Variants in CCDC190 observed in about 807,000 individuals in gnomAD.
CCDC190 encodes the protein coiled-coil domain-containing protein 190.
In CCDC190, 10 loss-of-function variants were observed where a neutral mutation model predicts 13.1. The ratio of observed to expected loss-of-function variants is 0.77; its 90% CI spans 0.47 to 1.30. The LOEUF (loss-of-function observed/expected upper bound fraction) is 1.30. CCDC190 is among the 50% of genes most tolerant of loss of function. CCDC190 has a pLI of 0.00. For synonymous variants in CCDC190, 136 were observed against 127.2 expected, an observed-to-expected ratio of 1.07 and a Z score of -0.47; for missense variants, 375 against 354.3, an observed-to-expected ratio of 1.06 and a Z score of -0.47.
chr1:162,861,437 ATTT>A (rs112152644), upstream of CCDC190, among the ~76,000 whole-genome samples: 2 of 142,612 alleles, frequency 1.4e-5, no homozygotes, highest in African/African-American at 2.6e-5. Flanking sequence ...GTTTCTCTCC[ATTT>A]TTTTTTTTTC....
chr1:162,861,435 C>A (rs1650511035), upstream of CCDC190, among the ~76,000 whole-genome samples: 1 of 146,128 alleles, frequency 6.8e-6, no homozygotes, highest in Non-Finnish European at 1.5e-5. Flanking sequence ...TCGTTTCTCT[C>A]CATTTTTTTT....
intron 1 of CCDC190, among the ~76,000 whole-genome samples, chr1:162,867,259 C>T (rs981531791): frequency 5.9e-5 from 9 of 151,904 alleles, no homozygotes; most frequent in Non-Finnish European, 5.9e-5. Context: ...ATTAAGGACA[C>T]AAATAACTCT....
At chr1:162,864,785 T>TA (rs1236401705), upstream of CCDC190, among the ~76,000 whole-genome samples, 1 of 151,860 alleles carries the variant, frequency 6.6e-6, no homozygotes, top group African/African-American at 2.4e-5. Context: ...AATTGAATTA[T>TA]AAAAAATACT....
At chr1:162,862,590 A>C (rs573890556), upstream of CCDC190, among the ~76,000 whole-genome samples, 1 of 152,292 alleles carries the variant, frequency 6.6e-6, no homozygotes, top group South Asian at 2.1e-4. Flanking sequence ...CCCTCATAAA[A>C]CCACACATCT....
Position 162,859,732 on chromosome 1 carries a change from G to C in CCDC190, c.-12-74C>G. 2.4e-6 allele frequency: 3 copies of C among 1,239,044 alleles called. No individual in the cohort carries two copies. In the Admixed American group the frequency reaches 7.4e-5, roughly 31 times the overall value. The allele number at this position is 1,239,044 out of a possible 1,614,324, so 76.8% of individuals were successfully genotyped here. On this transcript the variant is annotated intron_variant, in intron 1 of 3. Transcript: ENST00000367912. The stretch of plus-strand genomic sequence containing the variant: ...ATACTGACCCCGGCTTTTAATCAGA[G>C]ATCAGTGGTAGAACCTGTGTATTTC...
intron 2 of CCDC190, among the ~76,000 whole-genome samples, chr1:162,858,300 C>T (rs967191174): frequency 6.6e-6 from 1 of 152,216 alleles, no homozygotes; most frequent in Non-Finnish European, 1.5e-5. Flanking sequence ...GCCTTTTGTA[C>T]ACCCTCCTAA....
upstream of CCDC190, among the ~76,000 whole-genome samples, chr1:162,862,539 GA>G (rs1650557364): frequency 6.6e-6 from 1 of 152,222 alleles, no homozygotes; most frequent in African/African-American, 2.4e-5. Context: ...GGCAGGGCCA[GA>G]AGGAGGCAGA....
At chr1:162,857,820 G>T (rs1650357911) in intron 2 of CCDC190, among the ~76,000 whole-genome samples, 2 of 152,116 alleles carry the variant, frequency 1.3e-5, no homozygotes, top group African/African-American at 4.8e-5. Flanking sequence ...CACCTTGAGG[G>T]CAGAGACCAT....
At chr1:162,858,663 A>G (rs542419926) in intron 2 of CCDC190, among the ~76,000 whole-genome samples, 8 of 152,340 alleles carry the variant, frequency 5.3e-5, no homozygotes, top group African/African-American at 1.9e-4. Flanking sequence ...ACTCTCCTTC[A>G]GTAAGAAAGG....
chr1:162,853,288 T>G lies in CCDC190; in HGVS notation c.*1477A>C, dbSNP rs549614571. On this transcript the variant is annotated 3_prime_UTR_variant, in exon 4 of 4. Coordinates refer to ENST00000367912, the MANE Select transcript of CCDC190 (RefSeq NM_001394065.1). ...AGAGATCAAATGCTAGTCTGCCATCTATTAGCAAGTTACCACCACTCTTCC... is the reference window on the plus strand; with the variant it reads ...AGAGATCAAATGCTAGTCTGCCATCGATTAGCAAGTTACCACCACTCTTCC... 11 of 632,726 alleles carry G rather than the reference T, an allele frequency of 1.7e-5. No homozygotes were observed. In the East Asian group the frequency reaches 3.2e-4, roughly 18 times the overall value. The allele number at this position is 632,726 out of a possible 1,614,324, so 39.2% of individuals were successfully genotyped here.
In CCDC190 at chr1:162,854,096, C is replaced by T; in HGVS notation, c.*669G>A. 2.7e-6 allele frequency: 1 copy of T among 364,560 alleles called. No individual in the cohort carries two copies. Among genetic ancestry groups the T allele is most frequent in the Non-Finnish European group, 3.8e-6 (1 of 262,672 alleles). 22.6% of individuals were successfully genotyped at this position (364,560 alleles called of 1,614,324 possible). A position where few individuals can be genotyped will look rare whatever the true frequency, so the allele number is the denominator to read the frequency against. ...TTGATAGAGTCTGCTATGCATTTGACAGCATGTTGGGAGATGATTAAAAGT... is the reference window on the plus strand; with the variant it reads ...TTGATAGAGTCTGCTATGCATTTGATAGCATGTTGGGAGATGATTAAAAGT... On this transcript the variant is annotated 3_prime_UTR_variant, in exon 4 of 4. Transcript: ENST00000367912.
Position 162,854,120 on chromosome 1 carries a change from G to T in CCDC190, c.*645C>A. On this transcript the variant is annotated 3_prime_UTR_variant, in exon 4 of 4. Transcript: ENST00000367912. ...ACAGCATGTTGGGAGATGATTAAAA[G>T]TTTTTTAAATCCTTTGATTCTAGAA... 1 of 683,376 alleles carries T rather than the reference G, an allele frequency of 1.5e-6. No individual in the cohort carries two copies. The highest frequency in any genetic ancestry group is 1.8e-6 in the Non-Finnish European group (1 of 554,384). 42.3% of individuals were successfully genotyped at this position (683,376 alleles called of 1,614,324 possible).
At chr1:162,860,966 A>G (rs1219735756) in intron 1 of CCDC190, 42 bp downstream of exon 1, 1 of 920,668 alleles carries the variant, frequency 1.1e-6, no homozygotes, top group Non-Finnish European at 1.3e-6. Context: ...AGTCTAAAGT[A>G]TAACTAAACT....
chr1:162,855,692 A>G lies in CCDC190; in HGVS notation c.251T>C (p.Val84Ala). The change falls in exon 3 of 4, where the codon GTT becomes GCT. Residue 84 changes from valine (V) to alanine (A), a missense_variant. Transcript: ENST00000367912. ...CCTTCCCTGTGGTGAGAACACGAGA[A>G]CATCTTCTGGTCTCTTCTGAAATCC... ...GNGFQKRPED[V>A]LVFSPQGRQK... 6.2e-7 allele frequency: 1 copy of G among 1,613,738 alleles called. No homozygotes were observed. The highest frequency in any genetic ancestry group is 8.5e-7 in the Non-Finnish European group (1 of 1,179,704).
At chr1:162,859,901 C>A (rs906183898) in intron 1 of CCDC190, among the ~76,000 whole-genome samples, 5 of 151,098 alleles carry the variant, frequency 3.3e-5, no homozygotes, top group Admixed American at 2.0e-4. Flanking sequence ...TAGGCTCCCC[C>A]AACACAGATC....
chr1:162,855,842 G>A lies in CCDC190; in HGVS notation c.188-87C>T, dbSNP rs559740296. 1,799 of 1,218,726 alleles carry A rather than the reference G, an allele frequency of 1.5e-3. 9 individuals carry two copies. The highest frequency in any genetic ancestry group is 8.5e-3 in the South Asian group (562 of 66,146). 75.5% of individuals were successfully genotyped at this position (1,218,726 alleles called of 1,614,324 possible). A position where few individuals can be genotyped will look rare whatever the true frequency, so the allele number is the denominator to read the frequency against. On this transcript the variant is annotated intron_variant, in intron 2 of 3. Coordinates refer to ENST00000367912, the MANE Select transcript of CCDC190 (RefSeq NM_001394065.1). ...AAGTCCTAACCCCCAGTACCTTAGG[G>A]TGGGACCTTATTTGGAGATAAGGTC...
chr1:162,854,813 T>G lies in CCDC190; in HGVS notation c.858A>C (p.Ala286=). ...FGHGESSSSR[A]GKECENRVPS... ...GCACCCTGTTTTCACACTCCTTTCC[T>G]GCCCTGGATGATGAGGATTCCCCAT... is the stretch of plus-strand genomic sequence containing the variant. Residue 286 remains alanine, a synonymous_variant, in exon 4 of 4, where the codon GCA becomes GCC. Coordinates refer to ENST00000367912, the MANE Select transcript of CCDC190 (RefSeq NM_001394065.1). The G allele has an allele frequency of 6.2e-7, 1 of 1,613,880 alleles. No homozygotes were observed. Among genetic ancestry groups the G allele is most frequent in the Non-Finnish European group, 8.5e-7 (1 of 1,179,790 alleles).
At chr1:162,864,038 T>A (rs1650617332), upstream of CCDC190, among the ~76,000 whole-genome samples, 1 of 149,908 alleles carries the variant, frequency 6.7e-6, no homozygotes, top group African/African-American at 2.5e-5. Flanking sequence ...TCAATGAATC[T>A]CAAGCAAAAG....
upstream of CCDC190, among the ~76,000 whole-genome samples, chr1:162,862,759 C>T (rs1198487420): frequency 1.3e-5 from 2 of 152,060 alleles, no homozygotes; most frequent in Non-Finnish European, 2.9e-5. Flanking sequence ...CTCTCCTAGC[C>T]CATGACCTTA....
Sources: gnomAD v4.1 joint callset for allele counts (sites outside exome capture counted in the v4.1 genomes callset) on GRCh38, gnomAD v4.1.1 for gene constraint, MANE v1.5 for transcripts, NCBI Gene and HGNC (gene_info 2026-07-23, HGNC 2026-07-21) for gene names.